Variants in HSD11B1 observed in about 807,000 individuals in gnomAD.
The protein encoded by HSD11B1 is 11-beta-hydroxysteroid dehydrogenase 1.
HSD11B1 carries 15 observed loss-of-function variants against 22.1 expected under a neutral mutation model. The observed-to-expected ratio is 0.68, with a 90% CI of 0.45 to 1.04. The LOEUF (loss-of-function observed/expected upper bound fraction) is 1.04. Among genes scored for constraint, HSD11B1 ranks in the 50% least tolerant of loss-of-function variants. HSD11B1 has a pLI of 0.00. For synonymous variants in HSD11B1, 122 were observed against 125.2 expected (o/e 0.97, Z 0.17); for missense variants, 281 against 357.6 (o/e 0.79, Z 1.73).
intron 4 of HSD11B1, among the ~76,000 whole-genome samples, chr1:209,717,205 G>GA (rs964924238): frequency 2.6e-5 from 4 of 151,434 alleles, no homozygotes; most frequent in South Asian, 4.2e-4. Flanking sequence ...AACTCAATAG[G>GA]AAAAAAAACT....
chr1:209,709,812 A>C (rs757093556), intron 4 of HSD11B1, among the ~76,000 whole-genome samples: 1 of 152,258 alleles, frequency 6.6e-6, no homozygotes, highest in Non-Finnish European at 1.5e-5. Context: ...ACTAAAAATC[A>C]GAAGTTCTAT....
In HSD11B1 at chr1:209,732,463, C is replaced by T. The variant is rs777520261; in HGVS notation, c.545C>T (p.Ala182Val). 3 of 1,614,084 alleles carry T rather than the reference C, an allele frequency of 1.9e-6. No homozygotes were observed. In the Admixed American group the frequency reaches 5.0e-5, roughly 27 times the overall value. The change falls in exon 5 of 6, where the codon GCC becomes GTC. Residue 182 changes from alanine to valine, a missense_variant. Ala to Val is a moderately conservative substitution (Grantham distance 64). Transcript: ENST00000367027. ...AGKVAYPMVA[A>V]YSASKFALDG... ...AAAGTGGCTTATCCAATGGTTGCTG[C>T]CTATTCTGCAAGCAAGTTTGCTTTG... is the stretch of plus-strand genomic sequence containing the variant.
rs1273533159 is a variant in HSD11B1, at chr1:209,705,953, A to G, written c.219+12A>G. On this transcript the variant is annotated intron_variant, in intron 2 of 5. Transcript: ENST00000367027. ...AAACTCTACAGAAGGTGAGGGTTCT[A>G]TGCTCGCAGATATGTGTACCGTCAC... The G allele has an allele frequency of 6.2e-7, 1 of 1,613,714 alleles. No individual in the cohort carries two copies. Among genetic ancestry groups the G allele is most frequent in the Admixed American group, 1.7e-5 (1 of 60,012 alleles).
intron 4 of HSD11B1, among the ~76,000 whole-genome samples, chr1:209,712,062 A>G (rs560274010): frequency 9.2e-5 from 14 of 152,322 alleles, no homozygotes; most frequent in Middle Eastern, 3.4e-3. Context: ...GCAAGGTTCT[A>G]CCATCATTTG....
upstream of HSD11B1, among the ~76,000 whole-genome samples, chr1:209,703,796 T>C (rs1031966823): frequency 1.3e-5 from 2 of 152,240 alleles, no homozygotes; most frequent in African/African-American, 4.8e-5. Context: ...ACTTACAGAA[T>C]GCAGGACTGC....
intron 1 of HSD11B1, among the ~76,000 whole-genome samples, 165 bp downstream of exon 1, chr1:209,705,195 CA>C: frequency 6.6e-6 from 1 of 152,104 alleles, no homozygotes; most frequent in African/African-American, 2.4e-5. Flanking sequence ...AGGCTGTGGA[CA>C]GGGGGGACTG....
intron 4 of HSD11B1, among the ~76,000 whole-genome samples, chr1:209,711,516 T>C (rs2076895059): frequency 6.6e-6 from 1 of 152,138 alleles, no homozygotes; most frequent in African/African-American, 2.4e-5. Flanking sequence ...TGGAAGTGTT[T>C]ATCCATGTGA....
In HSD11B1 at chr1:209,705,920, G is replaced by A. The variant is rs1226120318; in HGVS notation, c.198G>A (p.Arg66=). Residue 66 remains arginine, a synonymous_variant, in exon 2 of 6, where the codon AGG becomes AGA. Transcript: ENST00000367027. ...GAGCCCATGTGGTGGTGACAGCGAGGTCAAAAGAAACTCTACAGAAGGTGA... is the reference window on the plus strand; with the variant it reads ...GAGCCCATGTGGTGGTGACAGCGAGATCAAAAGAAACTCTACAGAAGGTGA... The part of the protein sequence containing the change: ...KMGAHVVVTA[R]SKETLQKVVS... 5 of 1,613,932 alleles carry A rather than the reference G, an allele frequency of 3.1e-6. No individual in the cohort carries two copies. The South Asian group carries it at 4.4e-5, about 14-fold the overall frequency.
Position 209,706,829 on chromosome 1 carries a change from G to C in HSD11B1, c.331+9G>C, listed in dbSNP as rs773938487. 5 of 1,612,392 alleles carry C rather than the reference G, an allele frequency of 3.1e-6. No individual in the cohort carries two copies. The Admixed American group carries it at 8.3e-5, about 27-fold the overall frequency. ...AGCAGGAAAGCTCATGGGTGAGGCT[G>C]TTTCTCTTACCTCCTCCTCTGAACT... is the stretch of plus-strand genomic sequence containing the variant. On this transcript the variant is annotated intron_variant, in intron 3 of 5. Coordinates refer to ENST00000367027, the MANE Select transcript of HSD11B1 (RefSeq NM_005525.4). This position sits in a 1 kb window ranked among gnomAD's most constrained non-coding sequence, Gnocchi z 4.0.
At chr1:209,708,337 C>T (rs1441090665) in intron 4 of HSD11B1, among the ~76,000 whole-genome samples, 3 of 152,222 alleles carry the variant, frequency 2.0e-5, no homozygotes, top group Non-Finnish European at 4.4e-5. Flanking sequence ...CTGTTAAGCA[C>T]TTCACAAACA....
intron 1 of HSD11B1, among the ~76,000 whole-genome samples, chr1:209,694,309 C>T (rs1050279360): frequency 6.6e-6 from 1 of 152,210 alleles, no homozygotes; most frequent in African/African-American, 2.4e-5. Flanking sequence ...ACCGTACTAA[C>T]TCTGGAGATG....
chr1:209,689,135 C>T (rs1237873641), intron 1 of HSD11B1, among the ~76,000 whole-genome samples: 1 of 152,086 alleles, frequency 6.6e-6, no homozygotes, highest in Non-Finnish European at 1.5e-5. Context: ...CTGGAAATAG[C>T]GAGATTAGAG....
At chr1:209,708,943 G>C (rs533135230) in intron 4 of HSD11B1, among the ~76,000 whole-genome samples, 6 of 152,266 alleles carry the variant, frequency 3.9e-5, no homozygotes, top group African/African-American at 1.2e-4. Context: ...AAAGATTCCA[G>C]CTTTTTTGCC....
intron 1 of HSD11B1, among the ~76,000 whole-genome samples, chr1:209,691,035 A>C (rs1382970348): frequency 6.6e-6 from 1 of 152,206 alleles, no homozygotes; most frequent in Non-Finnish European, 1.5e-5. Context: ...GAAATGTTAG[A>C]ACCCCAGGAA....
chr1:209,717,299 T>C (rs2076936257), intron 4 of HSD11B1, among the ~76,000 whole-genome samples: 2 of 152,104 alleles, frequency 1.3e-5, no homozygotes, highest in Non-Finnish European at 2.9e-5. Flanking sequence ...AACAAGTATA[T>C]GAAAAATGCT....
In HSD11B1 at chr1:209,734,731, T is replaced by C; in HGVS notation, c.*210T>C. On this transcript the variant is annotated 3_prime_UTR_variant, in exon 6 of 6. Coordinates refer to ENST00000367027, the MANE Select transcript of HSD11B1 (RefSeq NM_005525.4). ...TGTCATGCACCGCTGCAGCCAGCAGTTGTAAAATTGTTAGTAAACATAGGT... is the reference window on the plus strand; with the variant it reads ...TGTCATGCACCGCTGCAGCCAGCAGCTGTAAAATTGTTAGTAAACATAGGT... 1 of 494,810 alleles carries C rather than the reference T, an allele frequency of 2.0e-6. No homozygotes were observed. The highest frequency in any genetic ancestry group is 3.6e-6 in the Non-Finnish European group (1 of 274,342). 30.7% of individuals were successfully genotyped at this position (494,810 alleles called of 1,614,324 possible).
chr1:209,719,325 G>A (rs1043543628), intron 4 of HSD11B1, among the ~76,000 whole-genome samples: 2 of 152,170 alleles, frequency 1.3e-5, no homozygotes, highest in Non-Finnish European at 2.9e-5. Context: ...TCTGGTATTG[G>A]TTTGCAATTG....
At chr1:209,701,958 C>T (rs1480231879), upstream of HSD11B1, among the ~76,000 whole-genome samples, 1 of 152,164 alleles carries the variant, frequency 6.6e-6, no homozygotes, top group Non-Finnish European at 1.5e-5. Context: ...ATACTCACCT[C>T]CAGCAGTGAA....
Position 209,690,236 on chromosome 1 carries a change from G to A in HSD11B1, c.-49+3951G>A, listed in dbSNP as rs554757124. Among the ~76,000 whole-genome samples the A allele has an allele frequency of 3.1e-4, 47 of 152,276 alleles. No homozygotes were observed. The South Asian group carries it at 9.3e-3, about 30-fold the overall frequency. On this transcript the variant is annotated intron_variant, in intron 1 of 6. Transcript: ENST00000261465. Reference sequence around the variant, plus strand: ...TGAGAGGATTGCTTGCACATAGGAGGTTGAGGCTGCAATAAGCTGTGATGG... The same window carrying A: ...TGAGAGGATTGCTTGCACATAGGAGATTGAGGCTGCAATAAGCTGTGATGG...
Sources: allele counts gnomAD v4.1 joint callset (sites outside exome capture counted in the v4.1 genomes callset), GRCh38; gene constraint gnomAD v4.1.1; non-coding constraint Gnocchi (gnomAD v3.1); transcripts MANE v1.5; gene names NCBI Gene and HGNC (gene_info 2026-07-23, HGNC 2026-07-21).